Variants in PECR observed in about 807,000 individuals in gnomAD.
PECR encodes 2,4-dienoyl-CoA reductase-related protein.
In PECR, 30 loss-of-function variants were observed where a neutral mutation model predicts 35.3. The ratio of observed to expected loss-of-function variants is 0.85; its 90% CI spans 0.64 to 1.15. The LOEUF is 1.15. PECR is among the 50% of genes most tolerant of loss of function. The pLI is 0.00. For synonymous variants in PECR, 148 were observed against 138.9 expected (o/e 1.07, Z -0.46); for missense variants, 392 against 370.8 (o/e 1.06, Z -0.47).
chr2:216,068,804 ATTTTTTTT>A (rs36012588), intron 1 of PECR, among the ~76,000 whole-genome samples: 3 of 76,088 alleles, frequency 3.9e-5, no homozygotes, highest in Admixed American at 1.7e-4. Context: ...TATCTGGCCA[ATTTTTTTT>A]TTTTTTTTTT....
intron 5 of PECR, among the ~76,000 whole-genome samples, chr2:216,050,240 T>C (rs1271875527): frequency 1.3e-5 from 2 of 151,968 alleles, no homozygotes; most frequent in Non-Finnish European, 2.9e-5. Context: ...AAAAAAAAAA[T>C]TGTATCTCAC....
At position 216,042,975 on chromosome 2, in the gene PECR, A is replaced by ATG. The variant is rs1343322386; in HGVS notation, c.826+927_826+928dup. 4.6e-4 allele frequency among the ~76,000 whole-genome samples: 31 copies of ATG among 66,770 alleles called. 1 individual carries two copies. The highest frequency in any genetic ancestry group is 1.7e-3 in the East Asian group (4 of 2,388). The allele number at this position is 66,770 out of a possible 152,430, so 43.8% of individuals were successfully genotyped here. On this transcript the variant is annotated intron_variant, in intron 7 of 7. Transcript: ENST00000265322. ...TGTATATATATATACACATACGTAT[A>ATG]TGTGTATATATATATACATACGTAT... is the stretch of plus-strand genomic sequence containing the variant.
chr2:216,067,465 G>C (rs1391188799), intron 1 of PECR, among the ~76,000 whole-genome samples: 2 of 152,132 alleles, frequency 1.3e-5, no homozygotes, highest in Non-Finnish European at 2.9e-5. Flanking sequence ...ACTAAAGGCT[G>C]CTCAGATCAA....
chr2:216,056,723 GAAAAAA>G (rs1206717179), intron 4 of PECR, among the ~76,000 whole-genome samples: 6 of 60,720 alleles, frequency 9.9e-5, no homozygotes, highest in African/African-American at 2.2e-4. Context: ...CTCCATCTCA[GAAAAAA>G]AAAAAAAAAA....
chr2:216,059,038 T>C lies in PECR; in HGVS notation c.425-62A>G, dbSNP rs1695283545. On this transcript the variant is annotated intron_variant, in intron 3 of 7. Coordinates refer to ENST00000265322, the MANE Select transcript of PECR (RefSeq NM_018441.6). ...AAAGTATCCTGGCCCTCCTGATACC[T>C]TGTTTCAGCACACTGCCTGTTTGAT... 3 of 946,844 alleles carry C rather than the reference T, an allele frequency of 3.2e-6. No individual in the cohort carries two copies. The East Asian group carries it at 7.2e-5, about 23-fold the overall frequency. 58.7% of individuals were successfully genotyped at this position (946,844 alleles called of 1,614,324 possible).
intron 6 of PECR, among the ~76,000 whole-genome samples, chr2:216,048,616 A>G (rs1695041558): frequency 6.6e-6 from 1 of 151,884 alleles, no homozygotes; most frequent in African/African-American, 2.4e-5. Flanking sequence ...AGGCTGGGGC[A>G]GGAGAATTGC....
At chr2:216,033,577 T>G (rs1317154018), downstream of PECR, 1 of 152,078 alleles carries the variant, frequency 6.6e-6, no homozygotes, top group Non-Finnish European at 1.5e-5. Context: ...CAGCAAAGGG[T>G]GGCCTCAGTC....
chr2:216,039,154 T>C lies in PECR; in HGVS notation c.*121A>G, dbSNP rs1175583896. ...GGAATAGTTTTTCCATAGATATAAT[T>C]AATAACACTTAAAAATAAGAAAAAT... On this transcript the variant is annotated 3_prime_UTR_variant, in exon 8 of 8. Transcript: ENST00000265322. 1.4e-6 allele frequency: 1 copy of C among 690,892 alleles called. No individual in the cohort carries two copies. Among genetic ancestry groups the C allele is most frequent in the African/African-American group, 1.8e-5 (1 of 55,946 alleles). The allele number at this position is 690,892 out of a possible 1,614,324, so 42.8% of individuals were successfully genotyped here. A position where few individuals can be genotyped will look rare whatever the true frequency, so the allele number is the denominator to read the frequency against.
Position 216,058,895 on chromosome 2 carries a change from A to C in PECR, c.506T>G (p.Val169Gly). 1 of 1,563,438 alleles carries C rather than the reference A, an allele frequency of 6.4e-7. No homozygotes were observed. The highest frequency in any genetic ancestry group is 2.2e-5 in the East Asian group (1 of 44,574). The change falls in exon 4 of 8, where the codon GTG (valine) becomes GGG (glycine). Residue 169 changes from valine (V) to glycine (G), a missense_variant and splice_region_variant. Val to Gly is a moderately radical substitution (Grantham distance 109). Coordinates refer to ENST00000265322, the MANE Select transcript of PECR (RefSeq NM_018441.6). The part of the protein sequence containing the change: ...VPTKAGFPLA[V>G]HSGAARAGVY... ...AAGAAAACTATATAAAAACGCTTACACAGCTAATGGAAATCCAGCTTTAGT... is the reference window on the plus strand; with the variant it reads ...AAGAAAACTATATAAAAACGCTTACCCAGCTAATGGAAATCCAGCTTTAGT...
At position 216,039,071 on chromosome 2, in the gene PECR, C is replaced by A; in HGVS notation, c.*204G>T. The A allele has an allele frequency of 2.3e-6, 1 of 434,002 alleles. No homozygotes were observed. Among genetic ancestry groups the A allele is most frequent in the Non-Finnish European group, 4.2e-6 (1 of 240,384 alleles). 26.9% of individuals were successfully genotyped at this position (434,002 alleles called of 1,614,324 possible). A position where few individuals can be genotyped will look rare whatever the true frequency, so the allele number is the denominator to read the frequency against. On this transcript the variant is annotated 3_prime_UTR_variant, in exon 8 of 8. Coordinates refer to ENST00000265322, the MANE Select transcript of PECR (RefSeq NM_018441.6). The stretch of plus-strand genomic sequence containing the variant: ...AATATGTTAATTTCTGTTACTTATA[C>A]ATTTTTAAATCATAGGTTAAAAGAC...
At chr2:216,048,071 AT>A (rs1329154999) in intron 6 of PECR, among the ~76,000 whole-genome samples, 3 of 133,922 alleles carry the variant, frequency 2.2e-5, no homozygotes, top group Non-Finnish European at 3.2e-5. Flanking sequence ...TCTTTTCTTT[AT>A]TTTATTTTAT....
intron 1 of PECR, among the ~76,000 whole-genome samples, chr2:216,080,055 T>C (rs1302177276): frequency 6.6e-6 from 1 of 151,970 alleles, no homozygotes; most frequent in Non-Finnish European, 1.5e-5. Flanking sequence ...ATGGTATGCA[T>C]TTCTCCAAGT....
intron 3 of PECR, among the ~76,000 whole-genome samples, chr2:216,059,792 A>G (rs936594227): frequency 2.0e-5 from 3 of 152,234 alleles, no homozygotes; most frequent in Non-Finnish European, 4.4e-5. Flanking sequence ...CTATGTCAGT[A>G]CCACACTGTC....
chr2:216,043,568 G>A (rs1165264452), intron 7 of PECR, among the ~76,000 whole-genome samples: 2 of 152,060 alleles, frequency 1.3e-5, no homozygotes, highest in East Asian at 1.9e-4. Context: ...TTTACTGGAG[G>A]AACAAAATGG....
At chr2:216,079,559 G>A (rs1394974029) in intron 1 of PECR, among the ~76,000 whole-genome samples, 1 of 151,474 alleles carries the variant, frequency 6.6e-6, no homozygotes, top group Non-Finnish European at 1.5e-5. Flanking sequence ...GTAGAGACGA[G>A]GTTTCACCAT....
chr2:216,081,797 A>G lies in PECR; in HGVS notation c.-56T>C, dbSNP rs1695861471. On this transcript the variant is annotated 5_prime_UTR_variant, in exon 1 of 8. The change abolishes an upstream ATG in the 5' untranslated region. Transcript: ENST00000265322. ...GCAGGCCCTTCTGGGTCTCAGGGAC[A>G]TTCGAGGCGGGCGGGCGGACAGGGC... The G allele has an allele frequency of 1.3e-6, 2 of 1,595,676 alleles. No individual in the cohort carries two copies. The highest frequency in any genetic ancestry group is 1.7e-6 in the Non-Finnish European group (2 of 1,174,108).
intron 7 of PECR, among the ~76,000 whole-genome samples, chr2:216,031,532 A>G (rs1310844755): frequency 2.0e-5 from 3 of 149,336 alleles, no homozygotes; most frequent in Admixed American, 2.0e-4. Context: ...AAAAGAAAAG[A>G]AAGAAGGAAG....
chr2:216,041,189 G>A lies in PECR; in HGVS notation c.827-1829C>T, dbSNP rs189965725. On this transcript the variant is annotated intron_variant, in intron 7 of 7. Transcript: ENST00000265322. ...AAAAATATTTTTAATGATAAAAAGT[G>A]TTAGAATTACAAAAGAAAATCATGT... is the stretch of plus-strand genomic sequence containing the variant. 1.1e-4 allele frequency among the ~76,000 whole-genome samples: 17 copies of A among 152,190 alleles called. No individual in the cohort carries two copies. In the East Asian group the frequency reaches 3.3e-3, roughly 29 times the overall value.
chr2:216,047,648 T>G (rs1000800654), intron 6 of PECR, among the ~76,000 whole-genome samples: 2 of 152,242 alleles, frequency 1.3e-5, no homozygotes, highest in African/African-American at 4.8e-5. Flanking sequence ...TACAGCTTCA[T>G]AGTATGTAAA....
Sources: gnomAD v4.1 joint callset for allele counts (sites outside exome capture counted in the v4.1 genomes callset) on GRCh38, gnomAD v4.1.1 for gene constraint, MANE v1.5 for transcripts, NCBI Gene and HGNC (gene_info 2026-07-23, HGNC 2026-07-21) for gene names.